Variants in KIF16B observed in about 807,000 individuals in gnomAD.
KIF16B encodes kinesin family member 16B.
Under a neutral mutation model 156.3 loss-of-function variants are expected in KIF16B, and 98 were observed. The ratio of observed to expected loss-of-function variants is 0.63; its 90% CI spans 0.53 to 0.74. The LOEUF (loss-of-function observed/expected upper bound fraction) is 0.74. Ranked by LOEUF, KIF16B falls within the 30% of genes least tolerant of loss-of-function variation. The pLI, the probability that KIF16B is intolerant of heterozygous loss-of-function variation, is 0.00. For missense variants in KIF16B, 1,421 were observed against 1,606.5 expected, an observed-to-expected ratio of 0.88 and a Z score of 1.97; for synonymous variants, 564 against 583.7, an observed-to-expected ratio of 0.97 and a Z score of 0.49.
intron 1 of KIF16B, among the ~76,000 whole-genome samples, chr20:16,547,498 GTA>G (rs1293738829): frequency 2.0e-5 from 3 of 152,188 alleles, no homozygotes; most frequent in Non-Finnish European, 4.4e-5. Flanking sequence ...GGGAAAAGGA[GTA>G]TGTCACCAGA....
chr20:16,494,450 A>G (rs2068388706), intron 11 of KIF16B, 100 bp from the exon 12 acceptor site: 2 of 704,208 alleles, frequency 2.8e-6, no homozygotes, highest in South Asian at 2.0e-5. Context: ...ATGTACTATA[A>G]TTTTTTAAAT....
chr20:16,477,476 C>G (rs2067853387), intron 12 of KIF16B, among the ~76,000 whole-genome samples: 1 of 152,108 alleles, frequency 6.6e-6, no homozygotes, highest in African/African-American at 2.4e-5. Context: ...GACTCCTGAC[C>G]TGAATCAAAG....
At chr20:16,556,826 C>T (rs1418424924) in intron 1 of KIF16B, among the ~76,000 whole-genome samples, 1 of 152,152 alleles carries the variant, frequency 6.6e-6, no homozygotes, top group African/African-American at 2.4e-5. Flanking sequence ...ACAGCCAGTC[C>T]TTCCCTGACC....
chr20:16,382,257 T>C (rs759472833), intron 17 of KIF16B: 25 of 334,604 alleles, frequency 7.5e-5, no homozygotes, highest in Non-Finnish European at 1.1e-4. Flanking sequence ...TAGCCATGCA[T>C]GAATTGAAAC....
intron 24 of KIF16B, among the ~76,000 whole-genome samples, chr20:16,329,736 A>G (rs192387380): frequency 6.6e-6 from 1 of 152,304 alleles, no homozygotes; most frequent in Non-Finnish European, 1.5e-5. Flanking sequence ...TCAATAGATG[A>G]AGAGGACAAC....
chr20:16,429,039 GA>G, intron 13 of KIF16B, 35 bp from the exon 14 acceptor site: 1 of 1,541,076 alleles, frequency 6.5e-7, no homozygotes, highest in Non-Finnish European at 9.0e-7. Flanking sequence ...GTATTAGTAA[GA>G]AGAGAAGGAA....
chr20:16,385,876 A>G (rs1000540987), intron 17 of KIF16B, among the ~76,000 whole-genome samples: 1 of 152,128 alleles, frequency 6.6e-6, no homozygotes, highest in African/African-American at 2.4e-5. Context: ...TTCCCATTTC[A>G]CACATGAGAA....
chr20:16,313,425 CAT>C (rs892105434), intron 24 of KIF16B, among the ~76,000 whole-genome samples: 35 of 152,164 alleles, frequency 2.3e-4, no homozygotes, highest in African/African-American at 8.2e-4. Context: ...ACTTTTAAAA[CAT>C]AGTATTAAAG....
chr20:16,371,818 G>C (rs1355215326), intron 20 of KIF16B, 57 bp from the exon 21 acceptor site: 2 of 1,198,594 alleles, frequency 1.7e-6, no homozygotes, highest in African/African-American at 1.5e-5. Context: ...AGGACATTCT[G>C]AGATCCTCTC....
chr20:16,416,827 C>T (rs1479530653), intron 15 of KIF16B, among the ~76,000 whole-genome samples: 1 of 151,942 alleles, frequency 6.6e-6, no homozygotes, highest in African/African-American at 2.4e-5. Flanking sequence ...GCAGTGCTTC[C>T]CAGCTTGGTC....
At chr20:16,432,795 AAAGC>A (rs1161606224) in intron 12 of KIF16B, among the ~76,000 whole-genome samples, 1 of 152,220 alleles carries the variant, frequency 6.6e-6, no homozygotes, top group Non-Finnish European at 1.5e-5. Flanking sequence ...AATGTGAAAG[AAAGC>A]AATTTAATTT....
At chr20:16,453,004 C>T (rs1220908715) in intron 12 of KIF16B, among the ~76,000 whole-genome samples, 2 of 151,834 alleles carry the variant, frequency 1.3e-5, no homozygotes, top group Non-Finnish European at 2.9e-5. Flanking sequence ...AAAACTGATG[C>T]CATACTTTAC....
chr20:16,414,550 T>TA (rs1314724945), intron 15 of KIF16B, among the ~76,000 whole-genome samples: 2 of 152,294 alleles, frequency 1.3e-5, no homozygotes, highest in East Asian at 3.9e-4. Context: ...ATTGGAAACT[T>TA]AGATTCTGGG....
chr20:16,568,819 C>CAA lies in KIF16B; in HGVS notation c.47+4408_47+4409dup, dbSNP rs57421025. ...TAGACAACAGGGTAAGACCCTGTCT[C>CAA]AAAAAAAAAAAAAAAAAAAAAAAAA... On this transcript the variant is annotated intron_variant, in intron 1 of 25. Transcript: ENST00000354981. 1.4e-3 allele frequency among the ~76,000 whole-genome samples: 76 copies of CAA among 55,504 alleles called. 1 individual carries two copies. Among genetic ancestry groups the CAA allele is most frequent in the Non-Finnish European group, 1.4e-3 (49 of 34,290 alleles). The allele number at this position is 55,504 out of a possible 152,430, so 36.4% of individuals were successfully genotyped here. A position where few individuals can be genotyped will look rare whatever the true frequency, so the allele number is the denominator to read the frequency against.
intron 24 of KIF16B, among the ~76,000 whole-genome samples, chr20:16,327,003 G>A (rs901362948): frequency 1.3e-5 from 2 of 149,390 alleles, no homozygotes; most frequent in Admixed American, 6.8e-5. Flanking sequence ...ATGTGTATGT[G>A]TATGCATATA....
chr20:16,348,686 A>G (rs1411359791), intron 23 of KIF16B, among the ~76,000 whole-genome samples: 1 of 152,224 alleles, frequency 6.6e-6, no homozygotes, highest in Non-Finnish European at 1.5e-5. Context: ...ATAAGCAAGA[A>G]GCTTATGAGG....
intron 12 of KIF16B, among the ~76,000 whole-genome samples, chr20:16,491,326 T>C (rs1481759818): frequency 6.6e-6 from 1 of 152,064 alleles, no homozygotes; most frequent in African/African-American, 2.4e-5. Flanking sequence ...ACAAGGAGAT[T>C]AGTGCCTGTA....
At chr20:16,446,739 TA>T (rs2066941613) in intron 12 of KIF16B, among the ~76,000 whole-genome samples, 1 of 152,180 alleles carries the variant, frequency 6.6e-6, no homozygotes, top group Admixed American at 6.5e-5. Flanking sequence ...GATCTAATCA[TA>T]AGAGAATATA....
intron 1 of KIF16B, among the ~76,000 whole-genome samples, chr20:16,564,271 T>A (rs2071171085): frequency 6.6e-6 from 1 of 152,190 alleles, no homozygotes; most frequent in Non-Finnish European, 1.5e-5. Flanking sequence ...AACTCAACCT[T>A]TTTTATGGCT....
Sources: allele counts gnomAD v4.1 joint callset (sites outside exome capture counted in the v4.1 genomes callset), GRCh38; gene constraint gnomAD v4.1.1; transcripts MANE v1.5; gene names NCBI Gene and HGNC (gene_info 2026-07-23, HGNC 2026-07-21).